The following RSPO2 variants were observed in gnomAD, a reference collection of about 807,000 sequenced individuals.
RSPO2 encodes the protein R-spondin 2, also known as R-spondin-2.
A neutral mutation model predicts 30.9 loss-of-function variants in RSPO2; 14 were observed. That is an observed-to-expected ratio of 0.45 (90% confidence interval 0.30 to 0.71). The LOEUF is 0.71. RSPO2 is among the 30% of genes least tolerant of loss of function. The probability of loss-of-function intolerance (pLI) is 0.08; values close to 1 mark genes in which losing one functional copy is unlikely to be tolerated. For synonymous variants in RSPO2, 107 were observed against 96.4 expected (o/e 1.11, Z -0.64); for missense variants, 264 against 301.9 (o/e 0.87, Z 0.93).
At chr8:108,081,877 G>A in intron 2 of RSPO2, 6 of 983,086 alleles carry the variant, frequency 6.1e-6, no homozygotes, top group Non-Finnish European at 6.0e-6. Context: ...CTCTGGAGGC[G>A]AGGACTCCCC....
chr8:108,017,730 A>C (rs1810938870), intron 2 of RSPO2, among the ~76,000 whole-genome samples: 1 of 152,218 alleles, frequency 6.6e-6, no homozygotes, highest in South Asian at 2.1e-4. Flanking sequence ...ATTTTAAAAC[A>C]AAGAATATGG....
intron 5 of RSPO2, among the ~76,000 whole-genome samples, chr8:107,952,361 T>A (rs1467545085): frequency 4.0e-5 from 6 of 151,722 alleles, no homozygotes; most frequent in Non-Finnish European, 5.9e-5. Context: ...TGGAAAATAG[T>A]ATAACTTGCT....
At chr8:107,943,927 G>C (rs910530924) in intron 5 of RSPO2, among the ~76,000 whole-genome samples, 1 of 152,200 alleles carries the variant, frequency 6.6e-6, no homozygotes, top group Non-Finnish European at 1.5e-5. Flanking sequence ...AACAGAGGGA[G>C]AGGGGGACGG....
At chr8:108,053,735 G>A (rs540604027) in intron 2 of RSPO2, among the ~76,000 whole-genome samples, 1 of 152,200 alleles carries the variant, frequency 6.6e-6, no homozygotes, top group African/African-American at 2.4e-5. Flanking sequence ...AAATCTACAA[G>A]TTATTACAAT....
chr8:108,045,324 C>T (rs900337185), intron 2 of RSPO2, among the ~76,000 whole-genome samples: 4 of 151,864 alleles, frequency 2.6e-5, no homozygotes, highest in African/African-American at 9.7e-5. Flanking sequence ...AAAAATGCTC[C>T]CTATCACTCA....
chr8:107,986,613 C>T (rs1057397165), intron 3 of RSPO2, among the ~76,000 whole-genome samples: 1 of 152,184 alleles, frequency 6.6e-6, no homozygotes, highest in African/African-American at 2.4e-5. Context: ...AATATCCCTG[C>T]ATAGTTGTTA....
At chr8:108,077,527 C>T (rs550663198) in intron 2 of RSPO2, among the ~76,000 whole-genome samples, 21 of 151,898 alleles carry the variant, frequency 1.4e-4, no homozygotes, top group Non-Finnish European at 2.5e-4. Context: ...TTCATCTTGT[C>T]GAAGAGAAAG....
intron 3 of RSPO2, chr8:107,983,117 A>G (rs187451239): frequency 2.8e-6 from 4 of 1,432,966 alleles, no homozygotes; most frequent in East Asian, 2.3e-5. Flanking sequence ...CCCAGGGTCT[A>G]TGGAAGTAAT....
chr8:108,064,471 AG>A (rs1414803548), intron 2 of RSPO2, among the ~76,000 whole-genome samples: 1 of 152,228 alleles, frequency 6.6e-6, no homozygotes, highest in African/African-American at 2.4e-5. Context: ...AACCACAATG[AG>A]ATACCATCTC....
intron 2 of RSPO2, among the ~76,000 whole-genome samples, chr8:108,019,294 C>A (rs1195359679): frequency 2.0e-5 from 3 of 152,058 alleles, no homozygotes; most frequent in Non-Finnish European, 4.4e-5. Context: ...ATGGAGGTTG[C>A]AGCGAGCGGA....
intron 2 of RSPO2, among the ~76,000 whole-genome samples, chr8:108,013,584 A>C (rs1662405186): frequency 2.0e-5 from 3 of 152,230 alleles, no homozygotes; most frequent in Admixed American, 2.0e-4. Flanking sequence ...AAACCTGACA[A>C]AAACAAGCAA....
intron 5 of RSPO2, among the ~76,000 whole-genome samples, chr8:107,925,091 G>GA (rs2130322714): frequency 6.6e-6 from 1 of 151,990 alleles, no homozygotes; most frequent in African/African-American, 2.4e-5. Context: ...TATCTTTTAT[G>GA]AATGCATTTT....
chr8:107,938,249 C>T (rs1419294567), intron 5 of RSPO2, among the ~76,000 whole-genome samples: 1 of 151,862 alleles, frequency 6.6e-6, no homozygotes, highest in Non-Finnish European at 1.5e-5. Flanking sequence ...TAAAATTAAC[C>T]CAGAAATACT....
In RSPO2 at chr8:107,992,174, TACACAC is replaced by T. The variant is rs35054419; in HGVS notation, c.95-2936_95-2931del. 1.5e-3 allele frequency among the ~76,000 whole-genome samples: 219 copies of T among 142,066 alleles called. 2 individuals are homozygous for T. The highest frequency in any genetic ancestry group is 1.3e-3 in the Admixed American group (18 of 14,226). The allele number at this position is 142,066 out of a possible 152,430, so 93.2% of individuals were successfully genotyped here. A position where few individuals can be genotyped will look rare whatever the true frequency, so the allele number is the denominator to read the frequency against. On this transcript the variant is annotated intron_variant, in intron 2 of 5. Transcript: ENST00000276659. ...AACTGACTGGATAAAGAAAATGTGATACACACACACACACACACACACACACACACC... is the reference window on the plus strand; with the variant it reads ...AACTGACTGGATAAAGAAAATGTGATACACACACACACACACACACACACC...
In RSPO2 at chr8:107,907,137, TAAATA is replaced by T. The variant is rs577951297; in HGVS notation, c.617-5952_617-5948del. ...TTACTTATTTACATAATGTAAAATG[TAAATA>T]AAATAAGAGTTACTTATTTACACTG... On this transcript the variant is annotated intron_variant, in intron 5 of 5. Coordinates refer to ENST00000276659, the MANE Select transcript of RSPO2 (RefSeq NM_178565.5). Among the ~76,000 whole-genome samples the T allele has an allele frequency of 8.3e-4, 126 of 152,140 alleles. 1 individual carries two copies. In the Middle Eastern group the frequency reaches 0.01, roughly 12 times the overall value.
intron 2 of RSPO2, among the ~76,000 whole-genome samples, chr8:108,047,057 C>T (rs953664307): frequency 2.6e-5 from 4 of 152,118 alleles, no homozygotes; most frequent in Non-Finnish European, 4.4e-5. Flanking sequence ...GAAAGTAGCA[C>T]GTAGAGGCAT....
intron 5 of RSPO2, among the ~76,000 whole-genome samples, chr8:107,907,428 C>A (rs1208020496): frequency 6.6e-6 from 1 of 152,000 alleles, no homozygotes; most frequent in Non-Finnish European, 1.5e-5. Context: ...AGAGACAAAG[C>A]AATAAACATT....
chr8:107,997,818 T>C (rs1468388444), intron 2 of RSPO2, among the ~76,000 whole-genome samples: 1 of 152,246 alleles, frequency 6.6e-6, no homozygotes, highest in Non-Finnish European at 1.5e-5. Flanking sequence ...CTTTGTTAAA[T>C]CCAGTTATTC....
intron 2 of RSPO2, among the ~76,000 whole-genome samples, chr8:108,035,510 G>A (rs139210525): frequency 0.011 from 1,711 of 152,132 alleles, 34 homozygotes; most frequent in African/African-American, 0.04. Context: ...TCGCTCTGTT[G>A]CGCAGGCTGG....
Sources: gnomAD v4.1 joint callset for allele counts (sites outside exome capture counted in the v4.1 genomes callset) on GRCh38, gnomAD v4.1.1 for gene constraint, MANE v1.5 for transcripts, NCBI Gene and HGNC (gene_info 2026-07-23, HGNC 2026-07-21) for gene names.